RYK: variants seen among roughly 807,000 people sequenced by gnomAD.
The protein encoded by RYK is receptor like tyrosine kinase, also known as inactive tyrosine-protein kinase RYK.
A neutral mutation model predicts 70.2 loss-of-function variants in RYK; 21 were observed. The ratio of observed to expected loss-of-function variants is 0.30; its 90% CI spans 0.21 to 0.43. RYK has a LOEUF of 0.43. RYK is among the 20% of genes least tolerant of loss of function. RYK has a pLI of 1.00. For synonymous variants in RYK, 267 were observed against 278.0 expected, an observed-to-expected ratio of 0.96 and a Z score of 0.39; for missense variants, 604 against 753.3, an observed-to-expected ratio of 0.80 and a Z score of 2.32.
chr3:134,232,162 T>C (rs929071680), intron 1 of RYK, among the ~76,000 whole-genome samples: 3 of 152,218 alleles, frequency 2.0e-5, no homozygotes, highest in African/African-American at 4.8e-5. Flanking sequence ...CCAGTATCTA[T>C]AATCCTCTTG....
chr3:134,240,809 C>CA (rs1340583904), intron 1 of RYK, among the ~76,000 whole-genome samples: 1 of 152,018 alleles, frequency 6.6e-6, no homozygotes, highest in Non-Finnish European at 1.5e-5. Flanking sequence ...AAGGCTTTCA[C>CA]AAAAAAAGGC....
chr3:134,217,126 A>G (rs1368996060), intron 2 of RYK, among the ~76,000 whole-genome samples: 1 of 152,230 alleles, frequency 6.6e-6, no homozygotes, highest in African/African-American at 2.4e-5. Context: ...AAACAGTATT[A>G]CCAGAAGCTG....
chr3:134,225,864 A>G (rs1444474253), intron 1 of RYK, among the ~76,000 whole-genome samples: 2 of 135,748 alleles, frequency 1.5e-5, no homozygotes, highest in East Asian at 4.0e-4. Context: ...TTTAAAAAAT[A>G]AAAAGATCAA....
chr3:134,202,656 C>G (rs754735945), intron 6 of RYK, 74 bp downstream of exon 6: 1 of 1,326,638 alleles, frequency 7.5e-7, no homozygotes, highest in East Asian at 2.4e-5. Context: ...CACTGTGCAT[C>G]GATGTGTATG....
At chr3:134,223,706 G>A (rs2014804954) in intron 1 of RYK, among the ~76,000 whole-genome samples, 1 of 152,038 alleles carries the variant, frequency 6.6e-6, no homozygotes, top group Admixed American at 6.5e-5. Context: ...TTGATTTACT[G>A]TTATTTAAAG....
chr3:134,224,385 G>A (rs1038186204), intron 1 of RYK, among the ~76,000 whole-genome samples: 7 of 152,140 alleles, frequency 4.6e-5, no homozygotes, highest in African/African-American at 1.4e-4. Flanking sequence ...TGCATTTCTC[G>A]GAGAGATCAA....
chr3:134,217,708 C>T (rs2014603571), intron 2 of RYK, among the ~76,000 whole-genome samples: 1 of 152,100 alleles, frequency 6.6e-6, no homozygotes, highest in African/African-American at 2.4e-5. Context: ...AAAGGAAAGA[C>T]AATAATCAGG....
At chr3:134,225,845 C>A (rs954865588) in intron 1 of RYK, among the ~76,000 whole-genome samples, 8 of 149,974 alleles carry the variant, frequency 5.3e-5, no homozygotes, top group Non-Finnish European at 1.0e-4. Context: ...TAACACAAGA[C>A]CCTCTCTCTT....
At chr3:134,239,649 A>G (rs2015274429) in intron 1 of RYK, among the ~76,000 whole-genome samples, 1 of 152,190 alleles carries the variant, frequency 6.6e-6, no homozygotes, top group Non-Finnish European at 1.5e-5. Flanking sequence ...AGTATGATTC[A>G]CTTGTTTACT....
chr3:134,193,126 CAAGT>C (rs1207050205), intron 7 of RYK, among the ~76,000 whole-genome samples: 1 of 151,558 alleles, frequency 6.6e-6, no homozygotes, highest in African/African-American at 2.4e-5. Flanking sequence ...TGATTACAAA[CAAGT>C]AAATTTCTTA....
chr3:134,183,177 T>C, intron 9 of RYK, 106 bp from the exon 10 acceptor site: 1 of 541,736 alleles, frequency 1.8e-6, no homozygotes, highest in South Asian at 6.5e-5. Flanking sequence ...GGTACATAGG[T>C]TTTCATTATA....
intron 1 of RYK, among the ~76,000 whole-genome samples, chr3:134,247,122 A>G (rs980895130): frequency 6.7e-6 from 1 of 150,248 alleles, no homozygotes; most frequent in African/African-American, 2.5e-5. Context: ...AAAAATGTAT[A>G]AAAAAAATCA....
intron 1 of RYK, among the ~76,000 whole-genome samples, chr3:134,233,400 C>A (rs558290703): frequency 6.6e-6 from 1 of 152,206 alleles, no homozygotes; most frequent in African/African-American, 2.4e-5. Flanking sequence ...GGTTATGACA[C>A]GTAATTTGTG....
rs546065398 is a variant in RYK at position 134,246,710 on chromosome 3, T to G, written c.232+3713A>C. Among the ~76,000 whole-genome samples, 13 of 152,306 alleles carry G rather than the reference T, an allele frequency of 8.5e-5. No homozygotes were observed. The South Asian group carries it at 2.7e-3, about 32-fold the overall frequency. ...AAGTATGAGGACAGGATAGATACATTCAGACATTCAAGGCCTCAAGTAATT... is the reference window on the plus strand; with the variant it reads ...AAGTATGAGGACAGGATAGATACATGCAGACATTCAAGGCCTCAAGTAATT... On this transcript the variant is annotated intron_variant, in intron 1 of 14. Transcript: ENST00000623711.
intron 2 of RYK, among the ~76,000 whole-genome samples, chr3:134,217,209 G>A (rs2014583492): frequency 6.6e-6 from 1 of 152,208 alleles, no homozygotes; most frequent in Non-Finnish European, 1.5e-5. Flanking sequence ...CAGATCTCTG[G>A]AAGCAAATAT....
intron 1 of RYK, among the ~76,000 whole-genome samples, chr3:134,223,857 CAG>C (rs1052212016): frequency 6.6e-6 from 1 of 152,150 alleles, no homozygotes; most frequent in African/African-American, 2.4e-5. Context: ...TCACAGTATG[CAG>C]AGAGGTCAAG....
At chr3:134,162,626 CACA>C (rs1165106095) in intron 13 of RYK, among the ~76,000 whole-genome samples, 1 of 152,128 alleles carries the variant, frequency 6.6e-6, no homozygotes, top group Non-Finnish European at 1.5e-5. Context: ...GGTGCCTGCT[CACA>C]ACTAGTTATT....
chr3:134,217,709 A>T (rs1356204336), intron 2 of RYK, among the ~76,000 whole-genome samples: 1 of 152,204 alleles, frequency 6.6e-6, no homozygotes, highest in Non-Finnish European at 1.5e-5. Flanking sequence ...AAGGAAAGAC[A>T]ATAATCAGGC....
intron 1 of RYK, among the ~76,000 whole-genome samples, chr3:134,223,456 TAA>T (rs776602985): frequency 2.6e-5 from 4 of 151,982 alleles, no homozygotes; most frequent in South Asian, 4.1e-4. Flanking sequence ...CAGTTACTGT[TAA>T]AAAAAGAGTT....
Sources: gnomAD v4.1 joint callset for allele counts (sites outside exome capture counted in the v4.1 genomes callset) on GRCh38, gnomAD v4.1.1 for gene constraint, MANE v1.5 for transcripts, NCBI Gene and HGNC (gene_info 2026-07-23, HGNC 2026-07-21) for gene names.